The following WWOX variants were observed in gnomAD, a reference collection of about 807,000 sequenced individuals.
WWOX encodes WW domain-containing oxidoreductase.
A neutral mutation model predicts 46.2 loss-of-function variants in WWOX; 69 were observed. That is an observed-to-expected ratio of 1.49 (90% CI 1.23 to 1.82). The LOEUF (loss-of-function observed/expected upper bound fraction) is 1.82, where lower values mean the gene tolerates loss of function less well. Among genes scored for constraint, WWOX ranks in the 40% most tolerant of loss-of-function variants. The pLI is 0.00. For missense variants in WWOX, 919 were observed against 542.6 expected (o/e 1.69, Z -6.89); for synonymous variants, 359 against 202.6 (o/e 1.77, Z -6.56).
chr16:78,965,051 G>C (rs1240307813), intron 8 of WWOX, among the ~76,000 whole-genome samples: 1 of 152,230 alleles, frequency 6.6e-6, no homozygotes, highest in East Asian at 1.9e-4. Flanking sequence ...TTTGCTGCAT[G>C]GGTGGAGCCC....
chr16:78,116,426 G>A (rs118106628), intron 4 of WWOX, among the ~76,000 whole-genome samples: 1,825 of 152,296 alleles, frequency 0.012, 14 homozygotes, highest in Non-Finnish European at 0.016. Flanking sequence ...GTTGCCATCC[G>A]AGTGGAGAAT....
chr16:78,624,546 G>A (rs2046265958), intron 8 of WWOX, among the ~76,000 whole-genome samples: 1 of 151,946 alleles, frequency 6.6e-6, no homozygotes, highest in African/African-American at 2.4e-5. Flanking sequence ...CCTATTTTTG[G>A]CTGTTTCTGT....
chr16:78,552,346 C>T (rs1290672788), intron 8 of WWOX: 1 of 152,182 alleles, frequency 6.6e-6, no homozygotes, highest in Non-Finnish European at 1.5e-5. Context: ...GCATCTGCCC[C>T]CTCCATAGCA....
intron 8 of WWOX, among the ~76,000 whole-genome samples, chr16:78,980,096 G>A (rs534864262): frequency 6.6e-6 from 1 of 152,302 alleles, no homozygotes; most frequent in Admixed American, 6.5e-5. Context: ...CCACTGCACT[G>A]CAGCCTTGGC....
At chr16:78,265,781 C>T (rs2079350390) in intron 5 of WWOX, among the ~76,000 whole-genome samples, 2 of 151,118 alleles carry the variant, frequency 1.3e-5, no homozygotes, top group African/African-American at 4.9e-5. Flanking sequence ...GTGTCTTCAT[C>T]CTAAAATAGT....
intron 8 of WWOX, among the ~76,000 whole-genome samples, chr16:78,760,226 T>A (rs936678026): frequency 2.6e-5 from 4 of 152,142 alleles, no homozygotes; most frequent in Non-Finnish European, 4.4e-5. Flanking sequence ...ATAAAAACAT[T>A]AGATCTCATG....
intron 8 of WWOX, among the ~76,000 whole-genome samples, chr16:78,513,166 A>T (rs943767434): frequency 6.6e-6 from 1 of 152,226 alleles, no homozygotes; most frequent in Non-Finnish European, 1.5e-5. Flanking sequence ...GCATTAAAAC[A>T]AATGCCTCAA....
intron 8 of WWOX, among the ~76,000 whole-genome samples, chr16:78,983,862 G>C (rs1484524501): frequency 7.3e-6 from 1 of 137,280 alleles, no homozygotes; most frequent in Non-Finnish European, 1.6e-5. Context: ...TCTGTTATGA[G>C]AGCTATTCTT....
intron 8 of WWOX, among the ~76,000 whole-genome samples, chr16:78,775,001 G>T (rs2050154406): frequency 6.6e-6 from 1 of 152,164 alleles, no homozygotes; most frequent in South Asian, 2.1e-4. Context: ...AACTAGAAAG[G>T]TAGGTAAGTT....
At chr16:78,654,639 C>A (rs943259837) in intron 8 of WWOX, among the ~76,000 whole-genome samples, 12 of 147,380 alleles carry the variant, frequency 8.1e-5, no homozygotes, top group Admixed American at 4.7e-4. Context: ...CTATACCTTT[C>A]TCTCTCTCTC....
At chr16:78,319,632 C>A (rs1597477806) in intron 5 of WWOX, among the ~76,000 whole-genome samples, 1 of 152,112 alleles carries the variant, frequency 6.6e-6, no homozygotes, top group Admixed American at 6.6e-5. Context: ...TTATTTCAAG[C>A]CGTGAATTTC....
At chr16:78,577,855 G>C (rs563194172) in intron 8 of WWOX, among the ~76,000 whole-genome samples, 1 of 152,064 alleles carries the variant, frequency 6.6e-6, no homozygotes, top group African/African-American at 2.4e-5. Flanking sequence ...GGCTTGTGCC[G>C]TTGGTAATTC....
At chr16:79,206,525 C>G (rs779736966) in intron 8 of WWOX, 1 of 152,206 alleles carries the variant, frequency 6.6e-6, no homozygotes, top group African/African-American at 2.4e-5. Flanking sequence ...GCTTACAAAG[C>G]TCTCCATGCA....
intron 8 of WWOX, among the ~76,000 whole-genome samples, chr16:78,753,203 G>A (rs770283039): frequency 6.6e-6 from 1 of 152,138 alleles, no homozygotes; most frequent in Non-Finnish European, 1.5e-5. Flanking sequence ...TGGAGGCTGA[G>A]ACAGGATAAT....
intron 8 of WWOX, among the ~76,000 whole-genome samples, chr16:78,439,904 G>T (rs899106437): frequency 2.6e-5 from 4 of 152,198 alleles, no homozygotes; most frequent in Admixed American, 2.6e-4. Context: ...CAGATGGGAG[G>T]GATGAGGCTC....
chr16:79,180,000 T>C (rs1390408208), intron 8 of WWOX, among the ~76,000 whole-genome samples: 1 of 152,214 alleles, frequency 6.6e-6, no homozygotes, highest in African/African-American at 2.4e-5. Flanking sequence ...CCAGGTTTTT[T>C]TTTTCCCCTT....
chr16:78,460,220 C>T (rs1283205788), intron 8 of WWOX, among the ~76,000 whole-genome samples: 6 of 152,170 alleles, frequency 3.9e-5, no homozygotes, highest in Middle Eastern at 3.4e-3. Flanking sequence ...CTGTGCCTCC[C>T]GGATTCAAGA....
chr16:79,163,471 GCA>G (rs1409404694), intron 8 of WWOX, among the ~76,000 whole-genome samples: 1 of 152,138 alleles, frequency 6.6e-6, no homozygotes, highest in Non-Finnish European at 1.5e-5. Flanking sequence ...ACAGTGCCTT[GCA>G]CACAGTCAGT....
chr16:78,355,471 G>A lies in WWOX; in HGVS notation c.517-31389G>A, dbSNP rs928270620. On this transcript the variant is annotated intron_variant, in intron 5 of 8. Coordinates refer to ENST00000566780, the MANE Select transcript of WWOX (RefSeq NM_016373.4). ...CAAAAAATTAGCCTGGCGTGGTGGC[G>A]GGCACCTGTAGTCCCAGCTACTCGG... The A allele has an allele frequency of 9.4e-5, 30 of 319,244 alleles. 1 individual carries two copies. The highest frequency in any genetic ancestry group is 5.7e-4 in the South Asian group (17 of 29,804). 19.8% of individuals were successfully genotyped at this position (319,244 alleles called of 1,614,324 possible). A position where few individuals can be genotyped will look rare whatever the true frequency, so the allele number is the denominator to read the frequency against.
Sources: gnomAD v4.1 joint callset for allele counts (sites outside exome capture counted in the v4.1 genomes callset) on GRCh38, gnomAD v4.1.1 for gene constraint, MANE v1.5 for transcripts, NCBI Gene and HGNC (gene_info 2026-07-23, HGNC 2026-07-21) for gene names.